Variants in KCNQ5 observed in about 807,000 individuals in gnomAD.
The protein encoded by KCNQ5 is potassium voltage-gated channel subfamily Q member 5.
KCNQ5 carries 30 observed loss-of-function variants against 98.2 expected under a neutral mutation model. The observed-to-expected ratio is 0.31, with a 90% CI of 0.23 to 0.41. The LOEUF (loss-of-function observed/expected upper bound fraction) is 0.41, where lower values mean the gene tolerates loss of function less well. Among genes scored for constraint, KCNQ5 ranks in the 10% least tolerant of loss-of-function variants. The probability of loss-of-function intolerance (pLI) is 1.00; values close to 1 mark genes in which losing one functional copy is unlikely to be tolerated. For synonymous variants in KCNQ5, 458 were observed against 449.4 expected, an observed-to-expected ratio of 1.02 and a Z score of -0.24; for missense variants, 835 against 1,182.5, an observed-to-expected ratio of 0.71 and a Z score of 4.31.
chr6:72,863,849 T>C (rs575045579), intron 1 of KCNQ5, among the ~76,000 whole-genome samples: 1 of 152,336 alleles, frequency 6.6e-6, no homozygotes, highest in East Asian at 1.9e-4. Flanking sequence ...ATTATTTAAA[T>C]TTATGTTACA....
At chr6:72,825,773 A>G (rs1038309339) in intron 1 of KCNQ5, among the ~76,000 whole-genome samples, 2 of 152,140 alleles carry the variant, frequency 1.3e-5, no homozygotes, top group African/African-American at 2.4e-5. Flanking sequence ...GTCTACCCAC[A>G]CTAGCACATG....
At chr6:72,797,672 T>C (rs1774413396) in intron 1 of KCNQ5, among the ~76,000 whole-genome samples, 1 of 152,128 alleles carries the variant, frequency 6.6e-6, no homozygotes, top group Non-Finnish European at 1.5e-5. Context: ...GTAGGATACA[T>C]TACAAATTAA....
At chr6:72,984,387 C>A (rs1768638935) in intron 1 of KCNQ5, among the ~76,000 whole-genome samples, 1 of 152,220 alleles carries the variant, frequency 6.6e-6, no homozygotes, top group Non-Finnish European at 1.5e-5. Context: ...TTCCAGGCTG[C>A]TTTGTTTACC....
At chr6:73,099,030 A>G (rs571877954) in intron 5 of KCNQ5, among the ~76,000 whole-genome samples, 37 of 152,248 alleles carry the variant, frequency 2.4e-4, no homozygotes, top group African/African-American at 8.4e-4. Flanking sequence ...CATTTTCATT[A>G]ATTTTCTTTT....
intron 2 of KCNQ5, among the ~76,000 whole-genome samples, chr6:73,015,556 A>G (rs1047347892): frequency 6.6e-6 from 1 of 152,112 alleles, no homozygotes; most frequent in Non-Finnish European, 1.5e-5. Context: ...TGTCTAACCA[A>G]GTGGTCCAGG....
chr6:73,037,252 A>G (rs79024526), intron 2 of KCNQ5, among the ~76,000 whole-genome samples: 2,524 of 152,258 alleles, frequency 0.017, 111 homozygotes, highest in Admixed American at 0.099. Context: ...GTTTCTTTAC[A>G]TATTTTAGAT....
At chr6:73,115,203 A>G (rs192382080) in intron 7 of KCNQ5, among the ~76,000 whole-genome samples, 30 of 152,282 alleles carry the variant, frequency 2.0e-4, no homozygotes, top group Admixed American at 4.6e-4. Flanking sequence ...GGCAGGAAAA[A>G]AAACAGAAGG....
intron 1 of KCNQ5, chr6:72,678,703 G>A (rs1190523374): frequency 6.6e-6 from 1 of 152,112 alleles, no homozygotes; most frequent in Non-Finnish European, 1.5e-5. Flanking sequence ...TGTTTAAGAT[G>A]TCTTTGGAAC....
chr6:72,622,246 G>C lies in KCNQ5; in HGVS notation c.57G>C (p.Lys19Asn). The change falls in exon 1 of 14, where the codon AAG becomes AAC. Residue 19 changes from lysine to asparagine, a missense_variant. Lys to Asn is a moderately conservative substitution (Grantham distance 94). This residue lies in a region of KCNQ5 where 80 missense variants were observed against 72.3 expected (regional missense o/e 1.11). Transcript: ENST00000370398. This position sits in a 1 kb window ranked among gnomAD's most constrained non-coding sequence, Gnocchi z 6.0. ...EEGGAAGLWVKSGAAAAAAGG... is the reference protein window; with the variant it reads ...EEGGAAGLWVNSGAAAAAAGG... ...GCGGCGCCGCCGGGCTCTGGGTGAAGAGCGGCGCAGCGGCGGCGGCGGCGG... is the reference window on the plus strand; with the variant it reads ...GCGGCGCCGCCGGGCTCTGGGTGAACAGCGGCGCAGCGGCGGCGGCGGCGG... 1 of 1,256,418 alleles carries C rather than the reference G, an allele frequency of 8.0e-7. No homozygotes were observed. The highest frequency in any genetic ancestry group is 1.0e-6 in the Non-Finnish European group (1 of 1,004,318). 77.8% of individuals were successfully genotyped at this position (1,256,418 alleles called of 1,614,324 possible). A position where few individuals can be genotyped will look rare whatever the true frequency, so the allele number is the denominator to read the frequency against.
rs1007783509 is a variant in KCNQ5, at chr6:73,196,115, C to T, written c.*701C>T. ...CCAGTGAGGCAAATAGACTATCTGA[C>T]ATATTTGACTTTATGAAAACATATT... On this transcript the variant is annotated 3_prime_UTR_variant, in exon 14 of 14. Transcript: ENST00000370398. The T allele has an allele frequency of 6.6e-6, 1 of 152,564 alleles. No homozygotes were observed. The highest frequency in any genetic ancestry group is 2.4e-5 in the African/African-American group (1 of 41,452). 9.5% of individuals were successfully genotyped at this position (152,564 alleles called of 1,614,324 possible).
At chr6:72,966,465 G>A (rs1284073238) in intron 1 of KCNQ5, among the ~76,000 whole-genome samples, 2 of 151,866 alleles carry the variant, frequency 1.3e-5, no homozygotes, top group Non-Finnish European at 2.9e-5. Context: ...CTACTCAGGA[G>A]GCTGAGGAAG....
chr6:72,714,629 A>T (rs763434406), intron 1 of KCNQ5, among the ~76,000 whole-genome samples: 5 of 152,192 alleles, frequency 3.3e-5, no homozygotes, highest in Non-Finnish European at 4.4e-5. Context: ...ATGGATAGTT[A>T]CCTTGGGTAT....
At chr6:72,648,522 C>A (rs1237080294) in intron 1 of KCNQ5, among the ~76,000 whole-genome samples, 2 of 151,666 alleles carry the variant, frequency 1.3e-5, no homozygotes, top group Non-Finnish European at 2.9e-5. Context: ...ACGAACTATG[C>A]AATATTTTAA....
chr6:73,080,401 G>A (rs1296667028), intron 5 of KCNQ5, among the ~76,000 whole-genome samples: 1 of 152,066 alleles, frequency 6.6e-6, no homozygotes, highest in African/African-American at 2.4e-5. Context: ...GTCCGTAGCA[G>A]GTTTGTTGAT....
chr6:72,994,012 C>T (rs1398539187), intron 1 of KCNQ5, among the ~76,000 whole-genome samples: 1 of 67,842 alleles, frequency 1.5e-5, no homozygotes, highest in Non-Finnish European at 2.6e-5. Context: ...AGGCAGTCTG[C>T]CCGTTCTCAG....
intron 1 of KCNQ5, among the ~76,000 whole-genome samples, chr6:72,787,022 A>G (rs977932370): frequency 2.7e-5 from 4 of 150,196 alleles, no homozygotes; most frequent in Non-Finnish European, 5.9e-5. Flanking sequence ...AAAAAAAAAA[A>G]AAAAAAAGAA....
chr6:73,046,728 C>T (rs994491574), intron 3 of KCNQ5, among the ~76,000 whole-genome samples: 42 of 151,594 alleles, frequency 2.8e-4, no homozygotes, highest in African/African-American at 9.0e-4. Context: ...CTACAACCTC[C>T]GCCTCCTGGG....
rs201199934 is a variant in KCNQ5 at position 73,051,705 on chromosome 6, C to CAAAAAAAAAAAAAAAAAAA, written c.616+9660_616+9678dup. Among the ~76,000 whole-genome samples, 3 of 97,178 alleles carry CAAAAAAAAAAAAAAAAAAA rather than the reference C, an allele frequency of 3.1e-5. 1 individual carries two copies. Among genetic ancestry groups the CAAAAAAAAAAAAAAAAAAA allele is most frequent in the African/African-American group, 1.2e-4 (3 of 24,204 alleles). The allele number at this position is 97,178 out of a possible 152,430, so 63.8% of individuals were successfully genotyped here. On this transcript the variant is annotated intron_variant, in intron 3 of 13. Coordinates refer to ENST00000370398, the MANE Select transcript of KCNQ5 (RefSeq NM_019842.4). ...TCCAGGGCATCAAAGAAGATAGAGG[C>CAAAAAAAAAAAAAAAAAAA]AAAAAAAAAAAAAAAAAAAAAAAAA...
At chr6:73,184,017 T>C (rs1291293733) in intron 11 of KCNQ5, among the ~76,000 whole-genome samples, 2 of 152,232 alleles carry the variant, frequency 1.3e-5, no homozygotes, top group African/African-American at 4.8e-5. Flanking sequence ...CTTATAATAC[T>C]GTAAATTTCA....
Sources: allele counts gnomAD v4.1 joint callset (sites outside exome capture counted in the v4.1 genomes callset), GRCh38; gene constraint gnomAD v4.1.1; regional missense constraint gnomAD v4.1.1; non-coding constraint Gnocchi (gnomAD v3.1); transcripts MANE v1.5; gene names NCBI Gene and HGNC (gene_info 2026-07-23, HGNC 2026-07-21).